IQSEC2: variants seen among roughly 807,000 people sequenced by gnomAD.
IQSEC2 encodes IQ motif and SEC7 domain-containing protein 2.
A neutral mutation model predicts 74.6 loss-of-function variants in IQSEC2; 6 were observed. The ratio of observed to expected loss-of-function variants is 0.08; its 90% confidence interval spans 0.04 to 0.16. IQSEC2 has a LOEUF of 0.16. IQSEC2 is among the 10% of genes least tolerant of loss of function. The pLI is 1.00. For missense variants in IQSEC2, 734 were observed against 1,306.2 expected (o/e 0.56, Z 6.75); for synonymous variants, 494 against 544.5 (o/e 0.91, Z 1.29).
intron 2 of IQSEC2, among the ~76,000 whole-genome samples, chrX:53,262,853 A>T (rs2074589760): frequency 8.9e-6 from 1 of 112,870 alleles, no homozygotes; most frequent in Non-Finnish European, 1.9e-5. Context: ...GTTGTCATTT[A>T]TTGAGTTGTC....
chrX:53,297,963 G>A (rs57012774), intron 1 of IQSEC2, among the ~76,000 whole-genome samples: 1 of 109,384 alleles, frequency 9.1e-6, no homozygotes, highest in African/African-American at 3.3e-5. Flanking sequence ...AACCCTGTCT[G>A]TACTAAAAAT....
At chrX:53,295,667 T>C (rs1415078830) in intron 1 of IQSEC2, among the ~76,000 whole-genome samples, 1 of 93,742 alleles carries the variant, frequency 1.1e-5, no homozygotes, top group African/African-American at 4.1e-5. Flanking sequence ...AATGGCAGAA[T>C]ATCGAAAGTT....
rs1245576891 is a variant in IQSEC2, at chrX:53,238,812, G to A, written c.3115+383C>T. Reference sequence around the variant, plus strand: ...CCTCTTACTCCCTGTACTGCAGGATGTAAAGGCACACAACTATGCACTGCT... The same window carrying A: ...CCTCTTACTCCCTGTACTGCAGGATATAAAGGCACACAACTATGCACTGCT... On this transcript the variant is annotated intron_variant, in intron 11 of 14. Transcript: ENST00000642864. 3.6e-5 allele frequency among the ~76,000 whole-genome samples: 4 copies of A among 109,876 alleles called. 1 individual carries two copies. The highest frequency in any genetic ancestry group is 7.6e-5 in the Non-Finnish European group (4 of 52,831).
chrX:53,314,373 T>C (rs1383798216), intron 1 of IQSEC2, among the ~76,000 whole-genome samples: 2 of 112,244 alleles, frequency 1.8e-5, no homozygotes, highest in Non-Finnish European at 3.8e-5. Context: ...GCACTCAGTA[T>C]ATGTCAGTTA....
chrX:53,256,558 C>T (rs910956126), intron 2 of IQSEC2, among the ~76,000 whole-genome samples: 1 of 111,394 alleles, frequency 9.0e-6, no homozygotes, highest in African/African-American at 3.3e-5. Context: ...AGCGCCACCC[C>T]CTCCCAGCCC....
At chrX:53,282,430 C>T (rs782693874) in intron 2 of IQSEC2, among the ~76,000 whole-genome samples, 1 of 112,725 alleles carries the variant, frequency 8.9e-6, no homozygotes, top group African/African-American at 3.2e-5. Context: ...AGTTTTTTGG[C>T]TTTGAAGGAT....
At chrX:53,279,272 A>T in intron 2 of IQSEC2, 2 of 281,951 alleles carry the variant, frequency 7.1e-6, no homozygotes. Context: ...CAACTGGCAA[A>T]CTCCTATTCA....
chrX:53,266,505 G>A (rs2074659039), intron 2 of IQSEC2: 2 of 755,364 alleles, frequency 2.6e-6, no homozygotes, highest in South Asian at 6.7e-5. Flanking sequence ...ACAAACGACA[G>A]GGAACTAGGC....
chrX:53,300,592 G>A (rs2075201662), intron 1 of IQSEC2, among the ~76,000 whole-genome samples: 1 of 111,631 alleles, frequency 9.0e-6, no homozygotes, highest in Non-Finnish European at 1.9e-5. Flanking sequence ...CCAGGCGTAT[G>A]GAGTAAATAT....
intron 2 of IQSEC2, among the ~76,000 whole-genome samples, chrX:53,273,484 C>T (rs1180280157): frequency 5.4e-5 from 6 of 111,597 alleles, no homozygotes; most frequent in Non-Finnish European, 1.1e-4. Flanking sequence ...GATGTGGTAT[C>T]TGAGCTAATT....
intron 1 of IQSEC2, among the ~76,000 whole-genome samples, chrX:53,318,143 A>T (rs994018437): frequency 2.7e-5 from 3 of 112,000 alleles, no homozygotes; most frequent in Admixed American, 1.9e-4. Context: ...CTAGTAGGGT[A>T]ACCTTGAGTG....
chrX:53,276,929 T>C (rs2074843422), intron 2 of IQSEC2, among the ~76,000 whole-genome samples: 1 of 112,562 alleles, frequency 8.9e-6, no homozygotes, highest in Non-Finnish European at 1.9e-5. Flanking sequence ...CTTTCATTTG[T>C]CACAATATAT....
At chrX:53,257,434 C>T (rs1488856370) in intron 2 of IQSEC2, among the ~76,000 whole-genome samples, 2 of 112,313 alleles carry the variant, frequency 1.8e-5, no homozygotes, top group African/African-American at 3.2e-5. Context: ...GCTCGCTCTC[C>T]ACCCCAAATT....
At chrX:53,231,492 C>T (rs1014512926), downstream of IQSEC2, 3 of 111,430 alleles carry the variant, frequency 2.7e-5, no homozygotes, top group African/African-American at 9.8e-5. Flanking sequence ...AGGTGGCTTA[C>T]TGTGTGTCTG....
At chrX:53,281,377 A>T in intron 2 of IQSEC2, 1 of 409,714 alleles carries the variant, frequency 2.4e-6, no homozygotes, top group Non-Finnish European at 4.2e-6. Context: ...GGCCTCTCAG[A>T]GTCCAAGAAG....
intron 1 of IQSEC2, among the ~76,000 whole-genome samples, chrX:53,299,013 A>G (rs193165130): frequency 2.1e-3 from 234 of 111,287 alleles, no homozygotes; most frequent in African/African-American, 7.3e-3. Flanking sequence ...TCTGGCTACC[A>G]AGAGCTTGGG....
At chrX:53,319,464 G>T (rs1556879743) in intron 1 of IQSEC2, among the ~76,000 whole-genome samples, 1 of 111,988 alleles carries the variant, frequency 8.9e-6, no homozygotes, top group Non-Finnish European at 1.9e-5. Context: ...GCTGGAAGGG[G>T]AACTCAGGTC....
chrX:53,227,653 A>G, downstream of IQSEC2: 2 of 302,566 alleles, frequency 6.6e-6, no homozygotes, highest in Non-Finnish European at 1.2e-5. Context: ...GATGAAAAGG[A>G]GGCAGAGGCC....
intron 1 of IQSEC2, among the ~76,000 whole-genome samples, chrX:53,313,124 A>G (rs1556878324): frequency 8.9e-6 from 1 of 111,993 alleles, no homozygotes. Context: ...TGTTTGCCAC[A>G]TTCCGCCTCT....
Sources: gnomAD v4.1 joint callset for allele counts (sites outside exome capture counted in the v4.1 genomes callset) on GRCh38, gnomAD v4.1.1 for gene constraint, MANE v1.5 for transcripts, NCBI Gene and HGNC (gene_info 2026-07-23, HGNC 2026-07-21) for gene names.